KCNIP4: variants seen among roughly 807,000 people sequenced by gnomAD.
KCNIP4 encodes Kv channel-interacting protein 4.
In KCNIP4, 12 loss-of-function variants were observed where a neutral mutation model predicts 34.0. That is an observed-to-expected ratio of 0.35 (90% confidence interval 0.23 to 0.57). KCNIP4 has a LOEUF of 0.57. Ranked by LOEUF, KCNIP4 falls within the 20% of genes least tolerant of loss-of-function variation. The pLI is 0.83. For synonymous variants in KCNIP4, 124 were observed against 102.2 expected, an observed-to-expected ratio of 1.21 and a Z score of -1.29; for missense variants, 238 against 311.7, an observed-to-expected ratio of 0.76 and a Z score of 1.78.
intron 1 of KCNIP4, among the ~76,000 whole-genome samples, chr4:21,400,032 G>T (rs1723337246): frequency 6.6e-6 from 1 of 152,116 alleles, no homozygotes; most frequent in African/African-American, 2.4e-5. Context: ...TCAAGCTGGT[G>T]TTCCAAATCC....
At chr4:20,964,529 G>T (rs1035438195) in intron 1 of KCNIP4, among the ~76,000 whole-genome samples, 1 of 152,122 alleles carries the variant, frequency 6.6e-6, no homozygotes, top group African/African-American at 2.4e-5. Context: ...TGGGGGGGAG[G>T]TGGTAATTAA....
intron 1 of KCNIP4, among the ~76,000 whole-genome samples, chr4:21,256,055 A>G (rs1761043530): frequency 6.6e-6 from 1 of 150,406 alleles, no homozygotes; most frequent in African/African-American, 2.4e-5. Flanking sequence ...TAGCAAGGTA[A>G]AAAAAAAAAT....
At chr4:21,840,467 G>T (rs1027757753) in intron 1 of KCNIP4, among the ~76,000 whole-genome samples, 2 of 152,126 alleles carry the variant, frequency 1.3e-5, no homozygotes, top group Non-Finnish European at 2.9e-5. Context: ...GTTGAAAGAA[G>T]CTAAGAGGGG....
intron 1 of KCNIP4, among the ~76,000 whole-genome samples, chr4:21,473,741 T>C (rs1730665873): frequency 6.7e-6 from 1 of 148,308 alleles, no homozygotes; most frequent in African/African-American, 2.5e-5. Context: ...TAAGACAGAG[T>C]CTTACTCTGT....
intron 3 of KCNIP4, among the ~76,000 whole-genome samples, chr4:20,836,327 A>G (rs1285571728): frequency 6.6e-6 from 1 of 152,186 alleles, no homozygotes; most frequent in Non-Finnish European, 1.5e-5. Context: ...TCAACCAGGA[A>G]TAACTTTTTC....
intron 1 of KCNIP4, among the ~76,000 whole-genome samples, chr4:21,545,612 C>T (rs1308374685): frequency 6.6e-6 from 1 of 152,114 alleles, no homozygotes; most frequent in Admixed American, 6.5e-5. Context: ...TCAACTCCCA[C>T]TTATGAGGGA....
In KCNIP4 at chr4:21,263,178, A is replaced by G. The variant is rs551539817; in HGVS notation, c.62-380469T>C. Among the ~76,000 whole-genome samples, 8 of 152,202 alleles carry G rather than the reference A, an allele frequency of 5.3e-5. 1 individual carries two copies. Among genetic ancestry groups the G allele is most frequent in the South Asian group, 2.1e-4 (1 of 4,828 alleles). Reference sequence around the variant, plus strand: ...ATATGATAATTCTCCTTGTTGTAATATGCCGTTCTCCTTTGAGAATACACT... The same window carrying G: ...ATATGATAATTCTCCTTGTTGTAATGTGCCGTTCTCCTTTGAGAATACACT... On this transcript the variant is annotated intron_variant, in intron 1 of 8. Transcript: ENST00000382152.
intron 1 of KCNIP4, among the ~76,000 whole-genome samples, chr4:21,063,979 T>G (rs1744140952): frequency 6.6e-6 from 1 of 152,166 alleles, no homozygotes; most frequent in South Asian, 2.1e-4. Flanking sequence ...GATCCAAAGA[T>G]TCATACTAAC....
At chr4:20,861,217 A>G (rs1722163996) in intron 2 of KCNIP4, among the ~76,000 whole-genome samples, 1 of 152,206 alleles carries the variant, frequency 6.6e-6, no homozygotes, top group Non-Finnish European at 1.5e-5. Flanking sequence ...AACTGGGGCC[A>G]GGCCCTGTAA....
chr4:21,060,430 G>A (rs1348542145), intron 1 of KCNIP4, among the ~76,000 whole-genome samples: 1 of 152,126 alleles, frequency 6.6e-6, no homozygotes, highest in Non-Finnish European at 1.5e-5. Flanking sequence ...GCATCAGACT[G>A]GATGTTACAA....
At chr4:21,362,942 T>C (rs764884803) in intron 1 of KCNIP4, among the ~76,000 whole-genome samples, 1 of 152,098 alleles carries the variant, frequency 6.6e-6, no homozygotes, top group Non-Finnish European at 1.5e-5. Flanking sequence ...TATTTAGCCA[T>C]ATCTCCAGCT....
At chr4:21,825,700 T>C (rs1722640241) in intron 1 of KCNIP4, among the ~76,000 whole-genome samples, 1 of 152,190 alleles carries the variant, frequency 6.6e-6, no homozygotes, top group Non-Finnish European at 1.5e-5. Context: ...TTGATTTATG[T>C]AACATAAGAG....
At chr4:20,909,279 G>A (rs1203393923) in intron 1 of KCNIP4, among the ~76,000 whole-genome samples, 2 of 152,046 alleles carry the variant, frequency 1.3e-5, no homozygotes, top group African/African-American at 4.8e-5. Context: ...GTTTTCCATA[G>A]AGTGTTATTT....
At chr4:21,187,390 G>A (rs897416802) in intron 1 of KCNIP4, among the ~76,000 whole-genome samples, 1 of 152,142 alleles carries the variant, frequency 6.6e-6, no homozygotes, top group Non-Finnish European at 1.5e-5. Flanking sequence ...TGTTTATTAA[G>A]GGCAAAGGGA....
At chr4:21,421,584 A>G (rs1577335005) in intron 1 of KCNIP4, among the ~76,000 whole-genome samples, 1 of 152,324 alleles carries the variant, frequency 6.6e-6, no homozygotes, top group East Asian at 1.9e-4. Context: ...AACTCACACA[A>G]GAAAACTGTA....
chr4:20,793,917 ATGTGT>A (rs1477409675), intron 3 of KCNIP4, among the ~76,000 whole-genome samples: 1 of 152,008 alleles, frequency 6.6e-6, no homozygotes, highest in African/African-American at 2.4e-5. Context: ...CACAATTCCC[ATGTGT>A]TGTGGGAGGG....
intron 1 of KCNIP4, among the ~76,000 whole-genome samples, chr4:21,543,079 C>T (rs916822314): frequency 3.3e-5 from 5 of 151,720 alleles, no homozygotes; most frequent in Admixed American, 6.6e-5. Context: ...GACAACAATC[C>T]TAAAAATGTA....
At position 20,907,206 on chromosome 4, in the gene KCNIP4, G is replaced by A. The variant is rs1261481197; in HGVS notation, c.62-24497C>T. 3.9e-5 allele frequency among the ~76,000 whole-genome samples: 6 copies of A among 152,158 alleles called. No homozygotes were observed. In the East Asian group the frequency reaches 7.7e-4, roughly 20 times the overall value. On this transcript the variant is annotated intron_variant, in intron 1 of 8. Coordinates refer to ENST00000382152, the MANE Select transcript of KCNIP4 (RefSeq NM_025221.6). The stretch of plus-strand genomic sequence containing the variant: ...TGAGGTTTATGATAATGGAAACTGA[G>A]CTTTAAATGTTAACACAGGTTAGAA...
At chr4:21,099,889 G>A (rs1747791428) in intron 1 of KCNIP4, among the ~76,000 whole-genome samples, 1 of 152,130 alleles carries the variant, frequency 6.6e-6, no homozygotes, top group Non-Finnish European at 1.5e-5. Context: ...AAATGTGGTA[G>A]AAATAACAAG....
Sources: allele counts gnomAD v4.1 joint callset (sites outside exome capture counted in the v4.1 genomes callset), GRCh38; gene constraint gnomAD v4.1.1; transcripts MANE v1.5; gene names NCBI Gene and HGNC (gene_info 2026-07-23, HGNC 2026-07-21).